GABRQ: variants seen among roughly 807,000 people sequenced by gnomAD.
GABRQ encodes gamma-aminobutyric acid type A receptor subunit theta, also known as gamma-aminobutyric acid receptor subunit theta.
GABRQ carries 19 observed loss-of-function variants against 30.5 expected under a neutral mutation model. That is an observed-to-expected ratio of 0.62 (90% CI 0.43 to 0.91). The LOEUF is 0.91. Ranked by LOEUF, GABRQ falls within the 40% of genes least tolerant of loss-of-function variation. The pLI, the probability that GABRQ is intolerant of heterozygous loss-of-function variation, is 0.00. For missense variants in GABRQ, 520 were observed against 521.4 expected (o/e 1.00, Z 0.03); for synonymous variants, 187 against 210.2 (o/e 0.89, Z 0.95).
intron 1 of GABRQ, among the ~76,000 whole-genome samples, chrX:152,640,177 G>T (rs1456395837): frequency 9.0e-6 from 1 of 110,576 alleles, no homozygotes; most frequent in South Asian, 3.9e-4. Flanking sequence ...AGGTGGGGGG[G>T]GGAGGAAAGA....
chrX:152,649,356 C>T, intron 5 of GABRQ, 23 bp downstream of exon 5: 1 of 954,728 alleles, frequency 1.0e-6, no homozygotes. Flanking sequence ...CCTATGGCCC[C>T]TTCTTCCGTA....
intron 6 of GABRQ, among the ~76,000 whole-genome samples, chrX:152,650,151 G>C (rs1556819920): frequency 8.9e-6 from 1 of 112,025 alleles, no homozygotes; most frequent in Non-Finnish European, 1.9e-5. Context: ...TTTGTACCTT[G>C]GGAACATCTC....
rs1230493667 is a variant in GABRQ, at chrX:152,652,980, A to ACCTTGATGACAACAATGACAAGAG, written c.1600_1623dup (p.Leu534_Ser541dup). 1.7e-6 allele frequency: 2 copies of ACCTTGATGACAACAATGACAAGAG among 1,209,585 alleles called. No individual in the cohort carries two copies. The highest frequency in any genetic ancestry group is 2.2e-6 in the Non-Finnish European group (2 of 894,485). On this transcript the variant is annotated inframe_insertion, in exon 9 of 9. Coordinates refer to ENST00000598523, the MANE Select transcript of GABRQ (RefSeq NM_018558.4). ...AAGGGTGTGCAAGAAGCAGGCTGGG[A>ACCTTGATGACAACAATGACAAGAG]CCTTGATGACAACAATGACAAGAGC... is the stretch of plus-strand genomic sequence containing the variant.
At chrX:152,644,357 A>G (rs1360326355) in intron 2 of GABRQ, among the ~76,000 whole-genome samples, 1 of 112,560 alleles carries the variant, frequency 8.9e-6, no homozygotes, top group Non-Finnish European at 1.9e-5. Flanking sequence ...CACACACATG[A>G]ACGTGTTCAC....
chrX:152,641,848 C>T (rs782796198), intron 2 of GABRQ, among the ~76,000 whole-genome samples: 15 of 112,328 alleles, frequency 1.3e-4, no homozygotes, highest in Non-Finnish European at 2.8e-4. Context: ...CAATGGGTGA[C>T]GTGGGAGTAG....
chrX:152,641,495 G>C (rs1421194290), intron 2 of GABRQ, among the ~76,000 whole-genome samples: 1 of 112,485 alleles, frequency 8.9e-6, no homozygotes, highest in Non-Finnish European at 1.9e-5. Context: ...CGGTAGACCA[G>C]TTTGGCCTGG....
chrX:152,655,109 A>T lies in GABRQ; in HGVS notation c.*1828A>T, dbSNP rs1602829940. ...TATATAAGGGCATGTCTGCATATCT[A>T]TGTTTATCTGATTTGAATGGGTGTG... On this transcript the variant is annotated 3_prime_UTR_variant, in exon 9 of 9. Transcript: ENST00000598523. 1 of 112,480 alleles carries T rather than the reference A, an allele frequency of 8.9e-6. No individual in the cohort carries two copies. Among genetic ancestry groups the T allele is most frequent in the Middle Eastern group, 4.6e-3 (1 of 217 alleles). 9.3% of individuals were successfully genotyped at this position (112,480 alleles called of 1,213,427 possible).
In GABRQ at chrX:152,645,526, G is replaced by C. The variant is rs190746951; in HGVS notation, c.239-1G>C. On this transcript the variant is annotated splice_acceptor_variant, in intron 2 of 8. Coordinates refer to ENST00000598523, the MANE Select transcript of GABRQ (RefSeq NM_018558.4). LOFTEE classifies it high-confidence loss of function. The stretch of plus-strand genomic sequence containing the variant: ...TGTAACTGTGTCTTTCTGTCTTCTA[G>C]GTGCCCCTGTGCCTGTGAGAATATC... 9.2e-7 allele frequency: 1 copy of C among 1,090,359 alleles called. No homozygotes were observed. Among genetic ancestry groups the C allele is most frequent in the East Asian group, 3.0e-5 (1 of 33,223 alleles). The allele number at this position is 1,090,359 out of a possible 1,213,427, so 89.9% of individuals were successfully genotyped here.
Position 152,651,557 on chromosome X carries a change from C to T in GABRQ, c.933C>T (p.Ile311=), listed in dbSNP as rs374234060. Residue 311 remains isoleucine, a synonymous_variant, in exon 8 of 9, where the codon ATC becomes ATT. Transcript: ENST00000598523. ...CTTCAATGCTCATCCTGACCACCAT[C>T]GACTCACATCTGCGGGATAAGCTCC... ...GLTSMLILTT[I]DSHLRDKLPN... The T allele has an allele frequency of 5.9e-5, 71 of 1,204,747 alleles. 1 individual carries two copies. The African/African-American group carries it at 9.9e-4, about 17-fold the overall frequency.
chrX:152,648,845 G>A (rs1930951085), intron 4 of GABRQ, among the ~76,000 whole-genome samples: 1 of 112,412 alleles, frequency 8.9e-6, no homozygotes, highest in African/African-American at 3.2e-5. Flanking sequence ...GTACAGATGT[G>A]GCCAGAGGCA....
Position 152,651,615 on chromosome X carries a change from T to G in GABRQ, c.991T>G (p.Tyr331Asp), listed in dbSNP as rs782022488. Residue 331 changes from tyrosine (Y) to aspartate (D), a missense_variant, in exon 8 of 9, where the codon TAT becomes GAT. Transcript: ENST00000598523. ...TTCCTGTATCAAGGCCATTGATATC[T>G]ATATCCTCGTGTGCTTGTTCTTTGT... The part of the protein sequence containing the change: ...NISCIKAIDI[Y>D]ILVCLFFVFL... 3 of 1,206,871 alleles carry G rather than the reference T, an allele frequency of 2.5e-6. No homozygotes were observed. The Admixed American group carries it at 6.5e-5, about 26-fold the overall frequency.
intron 8 of GABRQ, 71 bp downstream of exon 8, chrX:152,651,853 T>C (rs1931032065): frequency 6.6e-6 from 7 of 1,054,364 alleles, no homozygotes; most frequent in Non-Finnish European, 9.0e-6. Context: ...CTTTTGACCC[T>C]TTTGCATTTC....
Position 152,638,165 on chromosome X carries a change from C to G in GABRQ, c.-38C>G, listed in dbSNP as rs781949183. On this transcript the variant is annotated 5_prime_UTR_variant, in exon 1 of 9. Transcript: ENST00000598523. ...CCACCTCTGTTCCTTTTCGCGGCCC[C>G]GTCTCCCGCGCCCTCAGGCGCCCAG... 4.2e-6 allele frequency: 5 copies of G among 1,190,281 alleles called. No individual in the cohort carries two copies. The East Asian group carries it at 1.5e-4, about 36-fold the overall frequency.
Position 152,638,195 on chromosome X carries a change from C to CGCCTCAGGCG in GABRQ, c.-8_-7insGCCTCAGGCG. 1 of 1,209,118 alleles carries CGCCTCAGGCG rather than the reference C, an allele frequency of 8.3e-7. No homozygotes were observed. Among genetic ancestry groups the CGCCTCAGGCG allele is most frequent in the African/African-American group, 1.7e-5 (1 of 57,978 alleles). On this transcript the variant is annotated 5_prime_UTR_variant, in exon 1 of 9. Transcript: ENST00000598523. Reference sequence around the variant, plus strand: ...CCCGCGCCCTCAGGCGCCCAGAACGCCCCGGCCATGGGCATCCGAGGCATG... The same window carrying CGCCTCAGGCG: ...CCCGCGCCCTCAGGCGCCCAGAACGCGCCTCAGGCGCCCGGCCATGGGCATCCGAGGCATG...
At chrX:152,639,333 C>T (rs915976431) in intron 1 of GABRQ, among the ~76,000 whole-genome samples, 15 of 110,119 alleles carry the variant, frequency 1.4e-4, no homozygotes, top group Non-Finnish European at 2.5e-4. Flanking sequence ...TGCCCTTAAC[C>T]CAACATACCA....
At chrX:152,649,909 C>T in intron 6 of GABRQ, 30 bp downstream of exon 6, 1 of 1,136,538 alleles carries the variant, frequency 8.8e-7, no homozygotes, top group Non-Finnish European at 1.2e-6. Context: ...TCTCTCCTGT[C>T]TCATGTCTGC....
At position 152,653,133 on chromosome X, in the gene GABRQ, C is replaced by T. The variant is rs782419335; in HGVS notation, c.1751C>T (p.Pro584Leu). 8.3e-6 allele frequency: 10 copies of T among 1,211,525 alleles called. No homozygotes were observed. Among genetic ancestry groups the T allele is most frequent in the Non-Finnish European group, 1.1e-5 (10 of 894,909 alleles). ...SSSESEDSCPPSPGCSFTEGF... is the reference protein window; with the variant it reads ...SSSESEDSCPLSPGCSFTEGF... The stretch of plus-strand genomic sequence containing the variant: ...TCAGAGTCTGAGGATAGTTGCCCCC[C>T]AAGCCCTGGGTGCTCCTTCACTGAA... The change falls in exon 9 of 9, where the codon CCA becomes CTA. Residue 584 changes from proline to leucine, a missense_variant. Pro to Leu is a moderately conservative substitution (Grantham distance 98). Coordinates refer to ENST00000598523, the MANE Select transcript of GABRQ (RefSeq NM_018558.4).
Position 152,637,930 on chromosome X carries a change from C to A in GABRQ, c.-273C>A, listed in dbSNP as rs1383282343. Among the ~76,000 whole-genome samples the A allele has an allele frequency of 1.8e-5, 2 of 113,475 alleles. No homozygotes were observed. Among genetic ancestry groups the A allele is most frequent in the Middle Eastern group, 4.6e-3 (1 of 217 alleles). On this transcript the variant is annotated 5_prime_UTR_variant, in exon 1 of 9. Transcript: ENST00000598523. ...AGGAGCGGCCGCAGACGGAGCGCAC[C>A]TCGCAGCTGCCGGGCGGGCCCTGGG...
At position 152,656,287 on chromosome X, in the gene GABRQ, C is replaced by T. The variant is rs1333089777; in HGVS notation, c.*3006C>T. The T allele has an allele frequency of 9.0e-6, 1 of 110,890 alleles. No individual in the cohort carries two copies. Among genetic ancestry groups the T allele is most frequent in the African/African-American group, 3.3e-5 (1 of 30,375 alleles). 9.1% of individuals were successfully genotyped at this position (110,890 alleles called of 1,213,427 possible). A position where few individuals can be genotyped will look rare whatever the true frequency, so the allele number is the denominator to read the frequency against. ...GCCTCCATCCCATCCCTCTCCTCACCTCACACCAGGTAACTCTGGAAGTGC... is the reference window on the plus strand; with the variant it reads ...GCCTCCATCCCATCCCTCTCCTCACTTCACACCAGGTAACTCTGGAAGTGC... On this transcript the variant is annotated 3_prime_UTR_variant, in exon 9 of 9. Coordinates refer to ENST00000598523, the MANE Select transcript of GABRQ (RefSeq NM_018558.4).
Sources: gnomAD v4.1 joint callset for allele counts (sites outside exome capture counted in the v4.1 genomes callset) on GRCh38, gnomAD v4.1.1 for gene constraint, MANE v1.5 for transcripts, NCBI Gene and HGNC (gene_info 2026-07-23, HGNC 2026-07-21) for gene names.